TEP1: variants seen among roughly 807,000 people sequenced by gnomAD.
TEP1 encodes telomerase associated protein 1.
In TEP1, 241 loss-of-function variants were observed where a neutral mutation model predicts 306.3. The ratio of observed to expected loss-of-function variants is 0.79; its 90% CI spans 0.71 to 0.88. TEP1 has a LOEUF of 0.88. Among genes scored for constraint, TEP1 ranks in the 40% least tolerant of loss-of-function variants. The pLI, the probability that TEP1 is intolerant of heterozygous loss-of-function variation, is 0.00. For missense variants in TEP1, 3,051 were observed against 3,276.1 expected, an observed-to-expected ratio of 0.93 and a Z score of 1.68; for synonymous variants, 1,289 against 1,305.5, an observed-to-expected ratio of 0.99 and a Z score of 0.27.
chr14:20,384,832 C>T (rs1403732177), intron 21 of TEP1, 119 bp from the exon 22 acceptor site: 5 of 1,486,698 alleles, frequency 3.4e-6, no homozygotes, highest in African/African-American at 2.8e-5. Context: ...CTCCTGACTC[C>T]AGCACCAAGG....
rs754639134 is a variant in TEP1, at chr14:20,374,444, G to A, written c.6456C>T (p.Ser2152=). ...GCTTTCTCACCACAGCTGCCACAGC[G>A]CTCACAGCACTCTGATGACCCAGGA... is the stretch of plus-strand genomic sequence containing the variant. ...GQFLGHQSAV[S]AVAAVEEHVV... is the part of the protein sequence containing the mutation. Residue 2152 remains serine, a synonymous_variant, in exon 44 of 55, where the codon AGC becomes AGT. Transcript: ENST00000262715. The A allele has an allele frequency of 4.3e-6, 7 of 1,612,414 alleles. No individual in the cohort carries two copies. The highest frequency in any genetic ancestry group is 1.3e-5 in the African/African-American group (1 of 74,898).
At chr14:20,375,572 G>A (rs71410230) in intron 43 of TEP1, among the ~76,000 whole-genome samples, 183 bp downstream of exon 43, 10,284 of 152,228 alleles carry the variant, frequency 0.068, 615 homozygotes, top group African/African-American at 0.14. Flanking sequence ...TTTACAGGGT[G>A]TTGTAAAGAT....
In TEP1 at chr14:20,407,864, A is replaced by G. The variant is rs1879307159; in HGVS notation, c.567+9T>C. The G allele has an allele frequency of 1.9e-6, 3 of 1,579,870 alleles. No homozygotes were observed. Among genetic ancestry groups the G allele is most frequent in the Non-Finnish European group, 1.7e-6 (2 of 1,162,692 alleles). The stretch of plus-strand genomic sequence containing the variant: ...GGCTGGAGTCAAGATGAGTGCCTGG[A>G]GCTATTACCAAAGTTGCTTCCTGAG... On this transcript the variant is annotated intron_variant, in intron 2 of 54. Coordinates refer to ENST00000262715, the MANE Select transcript of TEP1 (RefSeq NM_007110.5).
intron 49 of TEP1, among the ~76,000 whole-genome samples, chr14:20,372,271 T>C (rs73585167): frequency 0.011 from 1,730 of 152,218 alleles, 22 homozygotes; most frequent in African/African-American, 0.039. Flanking sequence ...CTTCTCTTAC[T>C]GGTCCAGAAA....
At chr14:20,376,441 G>C (rs922138184) in intron 41 of TEP1, among the ~76,000 whole-genome samples, 177 bp from the exon 42 acceptor site, 3 of 152,174 alleles carry the variant, frequency 2.0e-5, no homozygotes, top group East Asian at 1.9e-4. Context: ...GGTCATCAGC[G>C]AGTGTGTACA....
chr14:20,381,969 G>A lies in TEP1; in HGVS notation c.4368C>T (p.Asn1456=), dbSNP rs746558139. 3 of 1,614,024 alleles carry A rather than the reference G, an allele frequency of 1.9e-6. No individual in the cohort carries two copies. The highest frequency in any genetic ancestry group is 2.5e-6 in the Non-Finnish European group (3 of 1,180,034). Residue 1456 remains asparagine, a synonymous_variant, in exon 30 of 55, where the codon AAC becomes AAT. Transcript: ENST00000262715. This position sits in a 1 kb window ranked among gnomAD's most constrained non-coding sequence, Gnocchi z 4.0. Reference sequence around the variant, plus strand: ...GGCCCATGGGGTAGGGGTCTCCACTGTTACCAGCAGCCACTGCTTCTTCCC... The same window carrying A: ...GGCCCATGGGGTAGGGGTCTCCACTATTACCAGCAGCCACTGCTTCTTCCC... ...KSWEEAVAAG[N]SGDPYPMGPF... is the part of the protein sequence containing the mutation.
chr14:20,376,579 T>G (rs1885191254), intron 41 of TEP1, among the ~76,000 whole-genome samples: 1 of 152,236 alleles, frequency 6.6e-6, no homozygotes, highest in African/African-American at 2.4e-5. Context: ...TTCTCAAGTG[T>G]CCAGTGTCAC....
chr14:20,410,829 C>CTTTTTGT (rs1879629529), intron 1 of TEP1, among the ~76,000 whole-genome samples: 6 of 66,034 alleles, frequency 9.1e-5, no homozygotes, highest in African/African-American at 3.6e-4. Context: ...TTTTTTTTTG[C>CTTTTTGT]TTTTTGTTTT....
intron 19 of TEP1, 65 bp from the exon 20 acceptor site, chr14:20,386,260 C>T: frequency 6.2e-7 from 1 of 1,607,766 alleles, no homozygotes; most frequent in Non-Finnish European, 8.5e-7. Flanking sequence ...AACATAGGCA[C>T]AAACAGGGAG....
chr14:20,373,349 A>T lies in TEP1; in HGVS notation c.6735T>A (p.Ala2245=). ...GCATGAGGCCTGAGGTTTCTGAAAC[A>T]GCAGCAGCACGGACTGGGCCGCTGT... The part of the protein sequence containing the change: ...LGHSGPVRAA[A]VSETSGLMLT... The change falls in exon 47 of 55, where the codon GCT becomes GCA. Residue 2245 remains alanine (A), a synonymous_variant. Transcript: ENST00000262715. 1 of 1,614,202 alleles carries T rather than the reference A, an allele frequency of 6.2e-7. No individual in the cohort carries two copies.
rs767678509 is a variant in TEP1 at position 20,403,855 on chromosome 14, C to G, written c.1062G>C (p.Leu354=). The G allele has an allele frequency of 6.2e-7, 1 of 1,614,066 alleles. No homozygotes were observed. Among genetic ancestry groups the G allele is most frequent in the East Asian group, 2.2e-5 (1 of 44,872 alleles). ...TACGGAGACAGGCGGGCAGGGGCAC[C>G]AGCTTATTCTTATCTCCCTCAGCCA... The part of the protein sequence containing the change: ...QSLAEGDKNK[L]VPLPACLRTA... The change falls in exon 6 of 55, where the codon CTG becomes CTC. Residue 354 remains leucine, a synonymous_variant. Transcript: ENST00000262715.
rs1877534885 is a variant in TEP1, at chr14:20,389,729, G to A, written c.2346C>T (p.Val782=). 6.2e-7 allele frequency: 1 copy of A among 1,614,110 alleles called. No individual in the cohort carries two copies. The highest frequency in any genetic ancestry group is 1.7e-5 in the Admixed American group (1 of 60,020). ...CATCCATGCTTTGGCCAAGGAGGAT[G>A]ACCCTGTCCACCTGTAAGATGAAAA... ...LAGQRVPVDR[V]ILLGQSMDDG... The change falls in exon 16 of 55, where the codon GTC becomes GTT. Residue 782 remains valine, a synonymous_variant. Coordinates refer to ENST00000262715, the MANE Select transcript of TEP1 (RefSeq NM_007110.5).
chr14:20,386,236 G>A (rs1027365369), intron 19 of TEP1, 41 bp from the exon 20 acceptor site: 1 of 1,612,894 alleles, frequency 6.2e-7, no homozygotes, highest in East Asian at 2.2e-5. Flanking sequence ...GTCACTGGGG[G>A]CATGGTATCA....
intron 35 of TEP1, among the ~76,000 whole-genome samples, chr14:20,379,661 C>T (rs1259318868): frequency 3.9e-5 from 6 of 152,200 alleles, no homozygotes; most frequent in African/African-American, 1.4e-4. Context: ...TGTCTTATCT[C>T]CCAACAAAAC....
intron 44 of TEP1, 132 bp from the exon 45 acceptor site, chr14:20,373,942 T>G: frequency 8.1e-7 from 1 of 1,234,612 alleles, no homozygotes; most frequent in Non-Finnish European, 1.1e-6. Flanking sequence ...TCAGGAACAG[T>G]GGGGTTGGGT....
At chr14:20,403,291 T>C in intron 7 of TEP1, 86 bp downstream of exon 7, 2 of 1,527,948 alleles carry the variant, frequency 1.3e-6, no homozygotes, top group Non-Finnish European at 1.8e-6. Flanking sequence ...AGAAAGTATT[T>C]TCAACCCTAA....
intron 43 of TEP1, 122 bp downstream of exon 43, chr14:20,375,633 A>C (rs1408537411): frequency 1.6e-6 from 1 of 634,318 alleles, no homozygotes; most frequent in Non-Finnish European, 2.8e-6. Flanking sequence ...GGCACATATC[A>C]AGTTTGACAA....
rs1885307558 is a variant in TEP1, at chr14:20,378,142, A to G, written c.5603T>C (p.Leu1868Pro). The G allele has an allele frequency of 1.2e-6, 2 of 1,613,814 alleles. No individual in the cohort carries two copies. Among genetic ancestry groups the G allele is most frequent in the Non-Finnish European group, 1.7e-6 (2 of 1,180,032 alleles). ...CCGTGCCCCTTCTCGCCAGGCCCACAGCTCCACCATACTGTCCAGCCGGCC... is the reference window on the plus strand; with the variant it reads ...CCGTGCCCCTTCTCGCCAGGCCCACGGCTCCACCATACTGTCCAGCCGGCC... ...AVGRLDSMVELWAWREGARLA... is the reference protein window; with the variant it reads ...AVGRLDSMVEPWAWREGARLA... The change falls in exon 39 of 55, where the codon CTG becomes CCG. Residue 1868 changes from leucine (L) to proline (P), a missense_variant. By Grantham distance (98) the Leu-to-Pro change is moderately conservative. Transcript: ENST00000262715.
Position 20,408,408 on chromosome 14 carries a change from T to C in TEP1, c.32A>G (p.His11Arg). MEKLHGHVSAHPDILSLENRC... is the reference protein window; with the variant it reads MEKLHGHVSARPDILSLENRC... ...GTTCTCCAAGGAGAGGATGTCTGGA[T>C]GGGCAGACACATGCCCATGGAGTTT... is the stretch of plus-strand genomic sequence containing the variant. Residue 11 changes from histidine (H) to arginine (R), a missense_variant, in exon 2 of 55, where the codon CAT (histidine) becomes CGT (arginine). Around this residue, in one of 3 missense-constraint regions of TEP1, gnomAD observed 1,507 missense variants for 1,550.5 expected, o/e 0.97. Transcript: ENST00000262715. 1 of 1,613,958 alleles carries C rather than the reference T, an allele frequency of 6.2e-7. No individual in the cohort carries two copies. Among genetic ancestry groups the C allele is most frequent in the Non-Finnish European group, 8.5e-7 (1 of 1,180,016 alleles).
Sources: allele counts gnomAD v4.1 joint callset (sites outside exome capture counted in the v4.1 genomes callset), GRCh38; gene constraint gnomAD v4.1.1; regional missense constraint gnomAD v4.1.1; non-coding constraint Gnocchi (gnomAD v3.1); transcripts MANE v1.5; gene names NCBI Gene and HGNC (gene_info 2026-07-23, HGNC 2026-07-21).